Variants in AGO3 observed in about 807,000 individuals in gnomAD.
AGO3 encodes protein argonaute-3.
A neutral mutation model predicts 105.5 loss-of-function variants in AGO3; 16 were observed. That is an observed-to-expected ratio of 0.15 (90% CI 0.10 to 0.23). AGO3 has a LOEUF of 0.23. AGO3 is among the 10% of genes least tolerant of loss of function. The probability of loss-of-function intolerance (pLI) is 1.00; values close to 1 mark genes in which losing one functional copy is unlikely to be tolerated. For missense variants in AGO3, 534 were observed against 1,088.0 expected (o/e 0.49, Z 7.16); for synonymous variants, 340 against 367.3 (o/e 0.93, Z 0.85).
chr1:36,001,184 G>A (rs1264849450), intron 5 of AGO3, among the ~76,000 whole-genome samples: 2 of 151,486 alleles, frequency 1.3e-5, no homozygotes, highest in African/African-American at 2.4e-5. Context: ...GCAGTGAGCC[G>A]AGATCACACC....
chr1:36,030,256 T>C (rs962378177), intron 12 of AGO3, among the ~76,000 whole-genome samples: 1 of 152,008 alleles, frequency 6.6e-6, no homozygotes, highest in Admixed American at 6.6e-5. Context: ...AATCCCAGCA[T>C]TTTGAGAAGC....
chr1:35,952,287 C>T (rs914618545), intron 2 of AGO3, among the ~76,000 whole-genome samples: 6 of 151,414 alleles, frequency 4.0e-5, no homozygotes, highest in South Asian at 4.2e-4. Context: ...GGACTACAGG[C>T]GCCTGCCACC....
chr1:35,935,238 C>A (rs908455319), intron 1 of AGO3, among the ~76,000 whole-genome samples: 1 of 152,064 alleles, frequency 6.6e-6, no homozygotes, highest in African/African-American at 2.4e-5. Flanking sequence ...AAAATTGAGA[C>A]ATAAAATAAA....
chr1:35,953,696 G>C (rs779207669), intron 2 of AGO3, among the ~76,000 whole-genome samples: 3 of 151,820 alleles, frequency 2.0e-5, no homozygotes, highest in Admixed American at 6.6e-5. Context: ...GTTTTTAGTA[G>C]AGATGGGGTT....
chr1:36,007,483 G>A (rs1346228520), intron 6 of AGO3, among the ~76,000 whole-genome samples: 1 of 152,112 alleles, frequency 6.6e-6, no homozygotes, highest in African/African-American at 2.4e-5. Context: ...GTTCACCTGA[G>A]GTCTGGAGTT....
chr1:35,962,740 G>A (rs1646701506), intron 2 of AGO3, among the ~76,000 whole-genome samples: 1 of 151,866 alleles, frequency 6.6e-6, no homozygotes, highest in Non-Finnish European at 1.5e-5. Context: ...ACTAGATGGA[G>A]ATAAATAAAA....
intron 5 of AGO3, chr1:35,992,383 T>C (rs1171431079): frequency 6.6e-6 from 1 of 152,224 alleles, no homozygotes; most frequent in Non-Finnish European, 1.5e-5. Context: ...TACCTGCTTC[T>C]CAGACTGCTT....
rs1261470416 is a variant in AGO3 at position 36,013,760 on chromosome 1, C to T, written c.1272+8C>T. On this transcript the variant is annotated splice_region_variant and intron_variant, in intron 10 of 18. Coordinates refer to ENST00000373191, the MANE Select transcript of AGO3 (RefSeq NM_024852.4). Reference sequence around the variant, plus strand: ...CTCCAGTATGGAGGACGGGTAAAGTCTCTTGTTAATGTTTTAATCATACAC... The same window carrying T: ...CTCCAGTATGGAGGACGGGTAAAGTTTCTTGTTAATGTTTTAATCATACAC... 1 of 1,612,738 alleles carries T rather than the reference C, an allele frequency of 6.2e-7. No homozygotes were observed. The highest frequency in any genetic ancestry group is 2.2e-5 in the East Asian group (1 of 44,838).
In AGO3 at chr1:36,017,261, A is replaced by G. The variant is rs554556849; in HGVS notation, c.1406+3213A>G. ...AGTATGCTCCTTAGCCAAGGTCCCC[A>G]TGAACCAAGCCACCTAAAATCAAAT... On this transcript the variant is annotated intron_variant, in intron 11 of 18. Transcript: ENST00000373191. 2.6e-4 allele frequency among the ~76,000 whole-genome samples: 39 copies of G among 152,312 alleles called. No individual in the cohort carries two copies. The South Asian group carries it at 7.7e-3, about 30-fold the overall frequency.
At chr1:36,049,923 G>C (rs1313496000) in intron 17 of AGO3, among the ~76,000 whole-genome samples, 2 of 152,138 alleles carry the variant, frequency 1.3e-5, no homozygotes, top group Non-Finnish European at 2.9e-5. Context: ...TATAAAGCAA[G>C]TATTATTAGC....
chr1:36,031,911 G>T (rs1641798327), intron 12 of AGO3, among the ~76,000 whole-genome samples: 2 of 147,876 alleles, frequency 1.4e-5, no homozygotes, highest in African/African-American at 2.5e-5. Context: ...GGGGCGGGGG[G>T]TGTGTGTGTG....
At chr1:36,053,257 T>A (rs1295664402) in intron 17 of AGO3, among the ~76,000 whole-genome samples, 6 of 151,914 alleles carry the variant, frequency 3.9e-5, no homozygotes, top group Non-Finnish European at 1.5e-5. Flanking sequence ...TTTTTTTTTT[T>A]AACTTTTAAA....
At chr1:35,973,577 T>G in intron 5 of AGO3, 66 bp downstream of exon 5, 13 of 1,346,818 alleles carry the variant, frequency 9.7e-6, no homozygotes, top group Non-Finnish European at 1.2e-5. Context: ...GTACATAAAT[T>G]TTATATATAA....
At chr1:36,006,372 T>C (rs922060045) in intron 6 of AGO3, among the ~76,000 whole-genome samples, 4 of 152,116 alleles carry the variant, frequency 2.6e-5, no homozygotes, top group African/African-American at 9.7e-5. Flanking sequence ...TAACTCGTGA[T>C]AGTTAAACAG....
intron 2 of AGO3, among the ~76,000 whole-genome samples, chr1:35,963,900 A>G (rs1454156428): frequency 6.6e-6 from 1 of 152,134 alleles, no homozygotes. Context: ...GGAGTAGCAA[A>G]CAGAAGATAA....
At chr1:36,038,269 T>TC (rs1288689677) in intron 14 of AGO3, among the ~76,000 whole-genome samples, 1 of 149,226 alleles carries the variant, frequency 6.7e-6, no homozygotes, top group African/African-American at 2.5e-5. Flanking sequence ...TTTTTTTTTT[T>TC]TTTGAGACAG....
In AGO3 at chr1:36,036,308, C is replaced by T. The variant is rs765283319; in HGVS notation, c.1842+41C>T. On this transcript the variant is annotated intron_variant, in intron 14 of 18. Transcript: ENST00000373191. ...GTTTATCTTACCTAAGGTTGACAGA[C>T]CAGTATCAATTTTGCAGTTTCAACT... The T allele has an allele frequency of 1.1e-5, 17 of 1,559,100 alleles. No homozygotes were observed. The South Asian group carries it at 1.9e-4, about 18-fold the overall frequency.
chr1:36,014,087 T>C (rs1640754273), intron 11 of AGO3, 39 bp downstream of exon 11: 1 of 1,612,846 alleles, frequency 6.2e-7, no homozygotes, highest in Non-Finnish European at 8.5e-7. Flanking sequence ...GACTTTTTTG[T>C]GTTTAGACTT....
chr1:35,983,896 C>G (rs937810464), intron 5 of AGO3, among the ~76,000 whole-genome samples: 1 of 151,978 alleles, frequency 6.6e-6, no homozygotes, highest in Non-Finnish European at 1.5e-5. Flanking sequence ...ATAGACATAT[C>G]TAGTGTATAT....
Sources: allele counts gnomAD v4.1 joint callset (sites outside exome capture counted in the v4.1 genomes callset), GRCh38; gene constraint gnomAD v4.1.1; transcripts MANE v1.5; gene names NCBI Gene and HGNC (gene_info 2026-07-23, HGNC 2026-07-21).